Variants in BLTP1 observed in about 807,000 individuals in gnomAD.
The protein encoded by BLTP1 is bridge-like lipid transfer protein family member 1, also known as fragile site-associated protein.
the BLTP1 span, among the ~76,000 whole-genome samples, chr4:122,281,109 G>A: frequency 6.6e-6 from 1 of 152,096 alleles, no homozygotes; most frequent in Non-Finnish European, 1.5e-5. Context: ...AGCACACAAT[G>A]CACTAAGAAC....
At chr4:122,281,461 G>C in the BLTP1 span, 1 of 1,432,882 alleles carries the variant, frequency 7.0e-7, no homozygotes, top group Non-Finnish European at 9.1e-7. Context: ...TTTTCACTGA[G>C]AAATCCAGTG....
chr4:122,246,198 C>A, the BLTP1 span: 1 of 1,607,356 alleles, frequency 6.2e-7, no homozygotes. Context: ...GAGCAGTCTA[C>A]AATAGGAACG....
the BLTP1 span, chr4:122,328,251 GA>G: frequency 6.2e-7 from 1 of 1,611,168 alleles, no homozygotes; most frequent in Non-Finnish European, 8.5e-7. Context: ...CCAAACTGAA[GA>G]GGGCCGACGG....
chr4:122,255,384 C>T, the BLTP1 span: 39 of 870,898 alleles, frequency 4.5e-5, no homozygotes, highest in Non-Finnish European at 5.9e-5. Flanking sequence ...GTTAGAAATA[C>T]AAGTCTATAG....
At chr4:122,264,436 G>A in the BLTP1 span, 2 of 1,590,522 alleles carry the variant, frequency 1.3e-6, no homozygotes, top group Non-Finnish European at 1.7e-6. Context: ...AGGTGAGCCA[G>A]CCTGCTTTTT....
At chr4:122,328,071 A>T in the BLTP1 span, 1 of 1,455,952 alleles carries the variant, frequency 6.9e-7, no homozygotes. Context: ...TTGAAATATG[A>T]ATCTGATTCA....
chr4:122,185,522 T>G, the BLTP1 span: 2 of 741,812 alleles, frequency 2.7e-6, no homozygotes, highest in Non-Finnish European at 3.3e-6. Flanking sequence ...TAATTATGTC[T>G]TTTATTTGAG....
At chr4:122,307,144 A>G in the BLTP1 span, among the ~76,000 whole-genome samples, 1 of 152,124 alleles carries the variant, frequency 6.6e-6, no homozygotes, top group Non-Finnish European at 1.5e-5. Context: ...ATAATGAGAT[A>G]TCTTGGGGCT....
At chr4:122,178,733 A>G in the BLTP1 span, among the ~76,000 whole-genome samples, 1 of 151,738 alleles carries the variant, frequency 6.6e-6, no homozygotes, top group Non-Finnish European at 1.5e-5. Context: ...ATTTATTTTC[A>G]CCTCTGCAGC....
At chr4:122,350,154 T>C in the BLTP1 span, 1 of 1,492,222 alleles carries the variant, frequency 6.7e-7, no homozygotes, top group Non-Finnish European at 8.9e-7. Context: ...ATAATAATAA[T>C]CTGTATGCCC....
chr4:122,257,209 A>T, the BLTP1 span: 7 of 1,571,048 alleles, frequency 4.5e-6, no homozygotes, highest in Middle Eastern at 1.7e-4. Flanking sequence ...ATGGTAACTG[A>T]TATTATTACA....
chr4:122,189,894 T>C, the BLTP1 span: 1 of 1,454,724 alleles, frequency 6.9e-7, no homozygotes. Context: ...TGCTTGTTAG[T>C]TTTTTTTTCC....
chr4:122,282,826 T>C, the BLTP1 span, among the ~76,000 whole-genome samples: 1 of 152,218 alleles, frequency 6.6e-6, no homozygotes, highest in Non-Finnish European at 1.5e-5. Flanking sequence ...TAGGAATTTT[T>C]TTATTTGACT....
the BLTP1 span, chr4:122,272,510 T>G: frequency 1.0e-6 from 1 of 1,002,906 alleles, no homozygotes; most frequent in Non-Finnish European, 1.4e-6. Context: ...TTGGCAAATT[T>G]TTTTTTTCCC....
At chr4:122,206,456 A>C in the BLTP1 span, among the ~76,000 whole-genome samples, 2 of 151,964 alleles carry the variant, frequency 1.3e-5, no homozygotes, top group African/African-American at 4.8e-5. Context: ...CTTCGAGTGC[A>C]ATTTATAATA....
the BLTP1 span, among the ~76,000 whole-genome samples, chr4:122,301,735 A>T: frequency 2.0e-5 from 3 of 152,170 alleles, no homozygotes; most frequent in Admixed American, 2.0e-4. Flanking sequence ...TCTGACGAAC[A>T]TTTTGTTTTT....
chr4:122,293,328 G>A, the BLTP1 span: 1 of 274,442 alleles, frequency 3.6e-6, no homozygotes. Context: ...GACGTATTCA[G>A]TTTCTTGCTT....
chr4:122,179,905 ACCATTCCAGATCAATGGAGGCATATCC>A, the BLTP1 span: 2 of 985,262 alleles, frequency 2.0e-6, no homozygotes, highest in Non-Finnish European at 2.4e-6. Flanking sequence ...AGACAGGGGT[ACCATTCCAGATCAATGGAGGCATATCC>A]CCAGCAGTGA....
the BLTP1 span, chr4:122,304,796 A>G: frequency 6.2e-7 from 1 of 1,613,394 alleles, no homozygotes; most frequent in Non-Finnish European, 8.5e-7. Context: ...ATAATCTGCT[A>G]GGGTATTCAA....
Sources: allele counts gnomAD v4.1 joint callset (sites outside exome capture counted in the v4.1 genomes callset), GRCh38; gene constraint gnomAD v4.1.1; transcripts MANE v1.5; gene names NCBI Gene and HGNC (gene_info 2026-07-23, HGNC 2026-07-21).